Variants in SGCD observed in about 807,000 individuals in gnomAD.
SGCD encodes the protein sarcoglycan delta, also known as delta-sarcoglycan.
A neutral mutation model predicts 36.6 loss-of-function variants in SGCD; 18 were observed. The observed-to-expected ratio is 0.49, with a 90% CI of 0.34 to 0.73. The LOEUF (loss-of-function observed/expected upper bound fraction) is 0.73. Among genes scored for constraint, SGCD ranks in the 30% least tolerant of loss-of-function variants. The pLI is 0.01. For missense variants in SGCD, 387 were observed against 346.7 expected (o/e 1.12, Z -0.92); for synonymous variants, 133 against 130.6 (o/e 1.02, Z -0.12).
At chr5:155,773,429 C>A in the SGCD span, among the ~76,000 whole-genome samples, 9 of 152,154 alleles carry the variant, frequency 5.9e-5, no homozygotes, top group African/African-American at 2.2e-4. Context: ...GTCCTCCTGA[C>A]TTGGCCTCCC....
chr5:155,926,100 G>C (rs751925931), intron 1 of SGCD, among the ~76,000 whole-genome samples: 23 of 152,150 alleles, frequency 1.5e-4, no homozygotes, highest in Admixed American at 5.2e-4. Context: ...TCAGTCATTG[G>C]GCTGTGGCTT....
intron 1 of SGCD, among the ~76,000 whole-genome samples, chr5:156,038,381 G>C (rs545313806): frequency 2.0e-4 from 30 of 151,268 alleles, no homozygotes; most frequent in Non-Finnish European, 3.5e-4. Flanking sequence ...GTAGGTCCTG[G>C]AACAGAAAAA....
chr5:156,047,727 A>C (rs1418303986), intron 1 of SGCD, among the ~76,000 whole-genome samples: 7 of 152,174 alleles, frequency 4.6e-5, no homozygotes, highest in Admixed American at 2.0e-4. Context: ...GAAATTTACA[A>C]GGAAATGAAT....
intron 4 of SGCD, among the ~76,000 whole-genome samples, chr5:156,585,406 A>G (rs1173994189): frequency 1.3e-5 from 2 of 152,252 alleles, no homozygotes; most frequent in Non-Finnish European, 2.9e-5. Context: ...CCTGCTGAAG[A>G]AAAACTTACA....
intron 7 of SGCD, among the ~76,000 whole-genome samples, chr5:156,690,297 A>T (rs1754060896): frequency 6.6e-6 from 1 of 152,190 alleles, no homozygotes; most frequent in Non-Finnish European, 1.5e-5. Flanking sequence ...CTCTTGATCA[A>T]GGTGTATTAT....
chr5:156,157,051 A>G (rs1467147763), intron 3 of SGCD, among the ~76,000 whole-genome samples: 1 of 151,612 alleles, frequency 6.6e-6, no homozygotes, highest in African/African-American at 2.4e-5. Flanking sequence ...AATTATCAGG[A>G]TTTCTCTGTA....
At chr5:156,268,504 G>A (rs376584184) in intron 3 of SGCD, among the ~76,000 whole-genome samples, 35 of 152,194 alleles carry the variant, frequency 2.3e-4, no homozygotes, top group Middle Eastern at 3.4e-3. Context: ...TATTTTTTGA[G>A]TTTTTAATAG....
intron 1 of SGCD, among the ~76,000 whole-genome samples, chr5:156,102,389 A>T (rs1018664070): frequency 5.3e-5 from 8 of 152,138 alleles, no homozygotes; most frequent in Non-Finnish European, 1.2e-4. Context: ...CATGTGGGAG[A>T]ATGTGCAATA....
At chr5:156,025,028 G>T (rs1026240539) in intron 1 of SGCD, among the ~76,000 whole-genome samples, 2 of 152,004 alleles carry the variant, frequency 1.3e-5, no homozygotes, top group African/African-American at 4.8e-5. Flanking sequence ...TATTGGGGTA[G>T]ATTATACTGG....
intron 3 of SGCD, among the ~76,000 whole-genome samples, chr5:156,399,344 AG>A (rs1772023546): frequency 1.3e-5 from 2 of 152,208 alleles, no homozygotes; most frequent in African/African-American, 4.8e-5. Flanking sequence ...CCATTATAGC[AG>A]CAATATTCTC....
chr5:156,160,742 C>T (rs113084755), intron 3 of SGCD, among the ~76,000 whole-genome samples: 9 of 151,706 alleles, frequency 5.9e-5, no homozygotes, highest in African/African-American at 1.9e-4. Flanking sequence ...TCATGTGTGC[C>T]CATCATCACG....
the SGCD span, among the ~76,000 whole-genome samples, chr5:155,752,293 G>T: frequency 3.9e-5 from 6 of 152,108 alleles, no homozygotes; most frequent in Non-Finnish European, 4.4e-5. Flanking sequence ...CCATTGCTCT[G>T]AGAACATGGT....
the SGCD span, among the ~76,000 whole-genome samples, chr5:155,741,174 G>T: frequency 6.6e-6 from 1 of 152,214 alleles, no homozygotes; most frequent in Admixed American, 6.5e-5. Context: ...TCAGCAGAAA[G>T]AAATGTTTAT....
At chr5:156,703,626 C>A (rs1051477553) in intron 7 of SGCD, among the ~76,000 whole-genome samples, 1 of 152,106 alleles carries the variant, frequency 6.6e-6, no homozygotes, top group Non-Finnish European at 1.5e-5. Flanking sequence ...ATCATTTATT[C>A]TTTTACTTGA....
At chr5:156,524,825 G>A (rs996897806) in intron 4 of SGCD, among the ~76,000 whole-genome samples, 5 of 152,002 alleles carry the variant, frequency 3.3e-5, no homozygotes, top group African/African-American at 1.2e-4. Context: ...ATAAAAGTGA[G>A]ACTATGCAGT....
At chr5:155,832,082 A>G in the SGCD span, among the ~76,000 whole-genome samples, 1 of 152,172 alleles carries the variant, frequency 6.6e-6, no homozygotes, top group African/African-American at 2.4e-5. Flanking sequence ...GGTTATTTTT[A>G]TTAGGGAAAA....
At chr5:156,721,010 T>C (rs1755468995) in intron 7 of SGCD, among the ~76,000 whole-genome samples, 1 of 152,172 alleles carries the variant, frequency 6.6e-6, no homozygotes, top group Admixed American at 6.5e-5. Flanking sequence ...TCCTGGCATG[T>C]TAGTGTGTGG....
At chr5:156,401,546 G>A (rs1772148303) in intron 3 of SGCD, among the ~76,000 whole-genome samples, 2 of 152,142 alleles carry the variant, frequency 1.3e-5, no homozygotes, top group African/African-American at 4.8e-5. Context: ...TCAAAAAGAA[G>A]ATACTGTGAC....
intron 4 of SGCD, among the ~76,000 whole-genome samples, chr5:156,518,794 T>C (rs1054297660): frequency 1.5e-4 from 23 of 152,160 alleles, no homozygotes; most frequent in African/African-American, 5.6e-4. Context: ...ATCAAATTCT[T>C]TGAAACTAAT....
Sources: gnomAD v4.1 joint callset for allele counts (sites outside exome capture counted in the v4.1 genomes callset) on GRCh38, gnomAD v4.1.1 for gene constraint, MANE v1.5 for transcripts, NCBI Gene and HGNC (gene_info 2026-07-23, HGNC 2026-07-21) for gene names.